Variants in PPP2R5E observed in about 807,000 individuals in gnomAD.
PPP2R5E encodes protein phosphatase 2 regulatory subunit B'epsilon, also known as serine/threonine-protein phosphatase 2A 56 kDa regulatory subunit epsilon isoform.
PPP2R5E carries 4 observed loss-of-function variants against 65.3 expected under a neutral mutation model. The observed-to-expected ratio is 0.06, with a 90% CI of 0.03 to 0.14. The LOEUF is 0.14. Among genes scored for constraint, PPP2R5E ranks in the 10% least tolerant of loss-of-function variants. The pLI is 1.00. For synonymous variants in PPP2R5E, 183 were observed against 187.4 expected, an observed-to-expected ratio of 0.98 and a Z score of 0.19; for missense variants, 274 against 556.1, an observed-to-expected ratio of 0.49 and a Z score of 5.10.
In PPP2R5E at chr14:63,458,789, T is replaced by C. The variant is rs930257013; in HGVS notation, c.158-4904A>G. On this transcript the variant is annotated intron_variant, in intron 2 of 13. Coordinates refer to ENST00000337537, the MANE Select transcript of PPP2R5E (RefSeq NM_006246.5). ...CTAATGAACAATATTTATAATATCA[T>C]TCAATGAATATCTATAAATTATATT... Among the ~76,000 whole-genome samples the C allele has an allele frequency of 1.2e-4, 18 of 152,326 alleles. No individual in the cohort carries two copies. The South Asian group carries it at 3.7e-3, about 32-fold the overall frequency.
chr14:63,485,571 C>T (rs572721885), intron 2 of PPP2R5E, among the ~76,000 whole-genome samples: 2 of 152,132 alleles, frequency 1.3e-5, no homozygotes, highest in South Asian at 2.1e-4. Context: ...TGTGCCACCA[C>T]GTCCGGCTAA....
At chr14:63,438,400 T>C (rs952927415) in intron 3 of PPP2R5E, among the ~76,000 whole-genome samples, 1 of 152,238 alleles carries the variant, frequency 6.6e-6, no homozygotes, top group Non-Finnish European at 1.5e-5. Context: ...TTTCACACTT[T>C]GTCATCCATG....
chr14:63,446,627 A>C (rs370897755), intron 3 of PPP2R5E, among the ~76,000 whole-genome samples: 1 of 152,202 alleles, frequency 6.6e-6, no homozygotes, highest in East Asian at 1.9e-4. Context: ...CAGGAGATCA[A>C]GATCATCCTG....
intron 3 of PPP2R5E, among the ~76,000 whole-genome samples, chr14:63,424,709 C>T (rs1280438369): frequency 6.6e-6 from 1 of 150,970 alleles, no homozygotes; most frequent in Middle Eastern, 3.4e-3. Flanking sequence ...CGAGATCTCA[C>T]CACCGCACTC....
rs1242169139 is a variant in PPP2R5E, at chr14:63,391,956, T to C, written c.903+16A>G. 1 of 1,609,150 alleles carries C rather than the reference T, an allele frequency of 6.2e-7. No homozygotes were observed. Among genetic ancestry groups the C allele is most frequent in the African/African-American group, 1.3e-5 (1 of 74,682 alleles). On this transcript the variant is annotated intron_variant, in intron 9 of 13. Coordinates refer to ENST00000337537, the MANE Select transcript of PPP2R5E (RefSeq NM_006246.5). ...AATTTTTCTTAAGTTTTTGAAATTA[T>C]GGAAAAAAGACTTACTGGTTCTGTG...
chr14:63,432,384 C>A (rs190908867), intron 3 of PPP2R5E, among the ~76,000 whole-genome samples: 153 of 152,230 alleles, frequency 1.0e-3, no homozygotes, highest in African/African-American at 3.4e-3. Flanking sequence ...ATAATTTGGT[C>A]CCCTTAGACA....
rs1294720982 is a variant in PPP2R5E at position 63,520,884 on chromosome 14, AAAC to A, written c.157+18642_157+18644del. 6.7e-3 allele frequency among the ~76,000 whole-genome samples: 949 copies of A among 141,710 alleles called. 8 individuals are homozygous for A. The highest frequency in any genetic ancestry group is 0.025 in the African/African-American group (911 of 35,884). The allele number at this position is 141,710 out of a possible 152,430, so 93.0% of individuals were successfully genotyped here. ...CAAAAAAAAAAAAAAAAAAAAAAAA[AAAC>A]AATTAGCCGGGCATGGTAGCAGGTG... On this transcript the variant is annotated intron_variant, in intron 2 of 13. Transcript: ENST00000337537.
chr14:63,446,771 G>C (rs1200862667), intron 3 of PPP2R5E, among the ~76,000 whole-genome samples: 1 of 146,762 alleles, frequency 6.8e-6, no homozygotes, highest in Non-Finnish European at 1.5e-5. Flanking sequence ...AGAGCTTGCA[G>C]TGAGCTGAGA....
intron 2 of PPP2R5E, among the ~76,000 whole-genome samples, chr14:63,528,005 T>C (rs1365695796): frequency 6.6e-6 from 1 of 151,960 alleles, no homozygotes; most frequent in Non-Finnish European, 1.5e-5. Flanking sequence ...AGGGCCTACA[T>C]TCTTACTGAG....
At chr14:63,459,695 T>A (rs1337492200) in intron 2 of PPP2R5E, among the ~76,000 whole-genome samples, 1 of 152,190 alleles carries the variant, frequency 6.6e-6, no homozygotes, top group Non-Finnish European at 1.5e-5. Flanking sequence ...TGATGTGATA[T>A]TTCACTGCTA....
chr14:63,501,272 G>A (rs1376352171), intron 2 of PPP2R5E, among the ~76,000 whole-genome samples: 1 of 152,000 alleles, frequency 6.6e-6, no homozygotes, highest in East Asian at 1.9e-4. Context: ...GGGCGTGGTG[G>A]CGAGCGCCTG....
At chr14:63,471,570 A>C (rs73274671) in intron 2 of PPP2R5E, among the ~76,000 whole-genome samples, 4,450 of 152,306 alleles carry the variant, frequency 0.029, 192 homozygotes, top group African/African-American at 0.097. Flanking sequence ...AGTCACTATT[A>C]TAAGGAGTTT....
At chr14:63,471,454 G>GT (rs1179301977) in intron 2 of PPP2R5E, among the ~76,000 whole-genome samples, 1 of 152,156 alleles carries the variant, frequency 6.6e-6, no homozygotes, top group African/African-American at 2.4e-5. Flanking sequence ...GCCATTTCCT[G>GT]TTTCACAATA....
rs111561501 is a variant in PPP2R5E at position 63,519,784 on chromosome 14, C to T, written c.157+19745G>A. The stretch of plus-strand genomic sequence containing the variant: ...TCAAGCAATTCTCCTGCCTCAGCCT[C>T]CCGAGTAGCTGGGATTACAGGCATG... On this transcript the variant is annotated intron_variant, in intron 2 of 13. Transcript: ENST00000337537. Among the ~76,000 whole-genome samples, 772 of 151,844 alleles carry T rather than the reference C, an allele frequency of 5.1e-3. 6 individuals carry two copies. The highest frequency in any genetic ancestry group is 0.018 in the African/African-American group (737 of 41,380).
At chr14:63,420,089 T>C (rs114308542) in intron 4 of PPP2R5E, among the ~76,000 whole-genome samples, 4,405 of 152,270 alleles carry the variant, frequency 0.029, 196 homozygotes, top group African/African-American at 0.099. Context: ...TTTATGTCTA[T>C]GGTTATCATG....
chr14:63,408,842 G>A (rs545858975), intron 5 of PPP2R5E, among the ~76,000 whole-genome samples: 69 of 152,200 alleles, frequency 4.5e-4, no homozygotes, highest in African/African-American at 1.6e-3. Context: ...CGCCTGTATT[G>A]CCAGCACTTT....
At position 63,374,552 on chromosome 14, in the gene PPP2R5E, A is replaced by G. The variant is rs1883869431; in HGVS notation, c.*1457T>C. ...TAATGCAACTGCATTAGGTAAGTAC[A>G]TACTGTACACAAATTTTATCAGCAG... On this transcript the variant is annotated 3_prime_UTR_variant, in exon 14 of 14. Coordinates refer to ENST00000337537, the MANE Select transcript of PPP2R5E (RefSeq NM_006246.5). The G allele has an allele frequency of 6.7e-6, 1 of 150,286 alleles. No individual in the cohort carries two copies. Among genetic ancestry groups the G allele is most frequent in the East Asian group, 1.9e-4 (1 of 5,168 alleles). The allele number at this position is 150,286 out of a possible 1,614,324, so 9.3% of individuals were successfully genotyped here.
At chr14:63,483,604 A>G (rs1240671736) in intron 2 of PPP2R5E, among the ~76,000 whole-genome samples, 1 of 152,158 alleles carries the variant, frequency 6.6e-6, no homozygotes, top group Non-Finnish European at 1.5e-5. Flanking sequence ...GGGCAGGTTC[A>G]GATCCGAGAG....
intron 11 of PPP2R5E, among the ~76,000 whole-genome samples, chr14:63,387,526 G>A (rs919352005): frequency 6.6e-6 from 1 of 151,752 alleles, no homozygotes. Context: ...ACATAAGGCG[G>A]CCACTCAATA....
Sources: allele counts gnomAD v4.1 joint callset (sites outside exome capture counted in the v4.1 genomes callset), GRCh38; gene constraint gnomAD v4.1.1; transcripts MANE v1.5; gene names NCBI Gene and HGNC (gene_info 2026-07-23, HGNC 2026-07-21).